Variants in SCN4A observed in about 807,000 individuals in gnomAD.
SCN4A encodes sodium channel protein type 4 subunit alpha.
Under a neutral mutation model 162.0 loss-of-function variants are expected in SCN4A, and 83 were observed. The observed-to-expected ratio is 0.51, with a 90% CI of 0.43 to 0.61. The LOEUF (loss-of-function observed/expected upper bound fraction) is 0.61. Ranked by LOEUF, SCN4A falls within the 20% of genes least tolerant of loss-of-function variation. The probability of loss-of-function intolerance (pLI) is 0.00; values close to 1 mark genes in which losing one functional copy is unlikely to be tolerated. For synonymous variants in SCN4A, 944 were observed against 985.1 expected, an observed-to-expected ratio of 0.96 and a Z score of 0.78; for missense variants, 2,196 against 2,462.5, an observed-to-expected ratio of 0.89 and a Z score of 2.29.
chr17:63,960,575 T>G (rs1365315238), intron 11 of SCN4A, among the ~76,000 whole-genome samples: 1 of 152,158 alleles, frequency 6.6e-6, no homozygotes, highest in Non-Finnish European at 1.5e-5. Flanking sequence ...AGGAGGCGGC[T>G]TTTCCCTTTG....
At chr17:63,965,995 T>C (rs1051638308) in intron 8 of SCN4A, 107 bp downstream of exon 8, 25 of 752,678 alleles carry the variant, frequency 3.3e-5, no homozygotes, top group East Asian at 5.4e-5. Context: ...GATGGCCCAG[T>C]TCGGGGGTTG....
intron 8 of SCN4A, among the ~76,000 whole-genome samples, chr17:63,965,523 C>G (rs1909410998): frequency 6.6e-6 from 1 of 152,180 alleles, no homozygotes; most frequent in African/African-American, 2.4e-5. Context: ...GAGTCTCGCT[C>G]TGTCGCCCAG....
rs1216814077 is a variant in SCN4A, at chr17:63,961,304, C to A, written c.1734G>T (p.Pro578=). The change falls in exon 11 of 24, where the codon CCG becomes CCT. Residue 578 remains proline, a synonymous_variant. Transcript: ENST00000435607. Reference sequence around the variant, plus strand: ...AGATGGTGATGCCCAGGTCCACGAACGGGTCCATGACGATCAGGTGGATGA... The same window carrying A: ...AGATGGTGATGCCCAGGTCCACGAAAGGGTCCATGACGATCAGGTGGATGA... The part of the protein sequence containing the change: ...KNIIHLIVMD[P]FVDLGITICI... 6 of 1,613,566 alleles carry A rather than the reference C, an allele frequency of 3.7e-6. No individual in the cohort carries two copies. The African/African-American group carries it at 4.0e-5, about 11-fold the overall frequency.
At position 63,941,137 on chromosome 17, in the gene SCN4A, G is replaced by A. The variant is rs768902509; in HGVS notation, c.5145C>T (p.Tyr1715=). The A allele has an allele frequency of 5.9e-5, 95 of 1,613,800 alleles. No individual in the cohort carries two copies. Among genetic ancestry groups the A allele is most frequent in the Non-Finnish European group, 7.7e-5 (91 of 1,179,868 alleles). The part of the protein sequence containing the change: ...FMAANPSKVS[Y]EPITTTLKRK... ...TCTTGAGGGTGGTGGTGATGGGCTC[G>A]TAGGACACCTTGGAGGGGTTGGCTG... Residue 1715 remains tyrosine (Y), a synonymous_variant, in exon 24 of 24, where the codon TAC becomes TAT. Coordinates refer to ENST00000435607, the MANE Select transcript of SCN4A (RefSeq NM_000334.4). The surrounding 1 kb of genome is among the most constrained non-coding windows in gnomAD (Gnocchi z 6.2).
In SCN4A at chr17:63,950,108, G is replaced by A. The variant is rs1302774815; in HGVS notation, c.2854-580C>T. 6.6e-6 allele frequency among the ~76,000 whole-genome samples: 1 copy of A among 152,160 alleles called. No homozygotes were observed. Among genetic ancestry groups the A allele is most frequent in the Non-Finnish European group, 1.5e-5 (1 of 68,014 alleles). On this transcript the variant is annotated intron_variant, in intron 14 of 23. Coordinates refer to ENST00000435607, the MANE Select transcript of SCN4A (RefSeq NM_000334.4). The surrounding 1 kb of genome is among the most constrained non-coding windows in gnomAD (Gnocchi z 4.6). ...GGAGGCGGGTGCTCCAGCCGGGCCAGGCTTCCTCCCACCTCCTCCTGCTGG... is the reference window on the plus strand; with the variant it reads ...GGAGGCGGGTGCTCCAGCCGGGCCAAGCTTCCTCCCACCTCCTCCTGCTGG...
chr17:63,961,187 C>CCCCA lies in SCN4A; in HGVS notation c.1845+5_1845+6insTGGG. 5 of 1,393,600 alleles carry CCCCA rather than the reference C, an allele frequency of 3.6e-6. No individual in the cohort carries two copies. The highest frequency in any genetic ancestry group is 4.1e-6 in the Non-Finnish European group (4 of 984,202). The allele number at this position is 1,393,600 out of a possible 1,614,324, so 86.3% of individuals were successfully genotyped here. A position where few individuals can be genotyped will look rare whatever the true frequency, so the allele number is the denominator to read the frequency against. ...ATGAATGATCCCCTCCCCCGCCCCT[C>CCCCA]CCTACCAGGTTGCCCACAGTGAGCA... On this transcript the variant is annotated splice_donor_region_variant and intron_variant, in intron 11 of 23. Transcript: ENST00000435607.
chr17:63,961,623 C>T (rs1316857205), intron 10 of SCN4A, 192 bp from the exon 11 acceptor site: 1 of 580,818 alleles, frequency 1.7e-6, no homozygotes, highest in African/African-American at 1.9e-5. Context: ...GTAACCTCCG[C>T]CCCACATGGC....
At chr17:63,961,881 G>A in intron 10 of SCN4A, among the ~76,000 whole-genome samples, 1 of 106,860 alleles carries the variant, frequency 9.4e-6, no homozygotes, top group South Asian at 3.2e-4. Flanking sequence ...CCCACCCCCG[G>A]CTCCAAGCTC....
At chr17:63,948,926 C>T (rs1908817576) in intron 15 of SCN4A, among the ~76,000 whole-genome samples, 161 bp from the exon 16 acceptor site, 2 of 152,204 alleles carry the variant, frequency 1.3e-5, no homozygotes. Context: ...ATCTGGCTCA[C>T]ATGGGGGACT....
chr17:63,972,374 C>T lies in SCN4A; in HGVS notation c.370G>A (p.Ala124Thr). 1.2e-6 allele frequency: 2 copies of T among 1,613,892 alleles called. No homozygotes were observed. The highest frequency in any genetic ancestry group is 1.7e-4 in the Middle Eastern group (1 of 6,060). ...LSPFSVVRRG[A>T]IKVLIHALFS... is the part of the protein sequence containing the mutation. ...TATGCATGGATGAGCACCTTGATGG[C>T]CCCGCGCCTGACTACGCTGAAGGGG... The change falls in exon 2 of 24, where the codon GCC becomes ACC. Residue 124 changes from alanine to threonine, a missense_variant. Transcript: ENST00000435607. This position sits in a 1 kb window ranked among gnomAD's most constrained non-coding sequence, Gnocchi z 4.3.
intron 13 of SCN4A, among the ~76,000 whole-genome samples, chr17:63,953,909 G>A (rs1018493531): frequency 6.6e-6 from 1 of 152,170 alleles, no homozygotes; most frequent in African/African-American, 2.4e-5. Flanking sequence ...AGCCTACAAG[G>A]TGAATGGCAG....
chr17:63,952,713 T>C (rs565606867), intron 13 of SCN4A, among the ~76,000 whole-genome samples: 1 of 149,728 alleles, frequency 6.7e-6, no homozygotes, highest in African/African-American at 2.6e-5. Flanking sequence ...CTGGTTCTTG[T>C]CCCACATCCC....
At position 63,941,250 on chromosome 17, in the gene SCN4A, C is replaced by A; in HGVS notation, c.5032G>T (p.Asp1678Tyr). ...TCTTTGGTCAGGGCAAAGAGGATGT[C>A]CAGGCAGTGGATCTTGTCCCCTGGC... ...MVPGDKIHCL[D>Y]ILFALTKEVL... is the part of the protein sequence containing the mutation. The change falls in exon 24 of 24, where the codon GAC becomes TAC. Residue 1678 changes from aspartate (D) to tyrosine (Y), a missense_variant. Asp to Tyr is a radical substitution (Grantham distance 160). Transcript: ENST00000435607. The surrounding 1 kb of genome is among the most constrained non-coding windows in gnomAD (Gnocchi z 6.2). 6.2e-7 allele frequency: 1 copy of A among 1,613,850 alleles called. No individual in the cohort carries two copies. Among genetic ancestry groups the A allele is most frequent in the Non-Finnish European group, 8.5e-7 (1 of 1,179,852 alleles).
Position 63,945,798 on chromosome 17 carries a change from G to T in SCN4A, c.3442-160C>A, listed in dbSNP as rs1038950034. Among the ~76,000 whole-genome samples the T allele has an allele frequency of 6.6e-6, 1 of 151,808 alleles. No individual in the cohort carries two copies. The highest frequency in any genetic ancestry group is 2.4e-5 in the African/African-American group (1 of 41,310). ...TGCTGGGCTGTGTGTGTGCAGGTTG[G>T]GGGTGGTAAGGGGGAGGGGGAGGGA... is the stretch of plus-strand genomic sequence containing the variant. On this transcript the variant is annotated intron_variant, in intron 18 of 23. Coordinates refer to ENST00000435607, the MANE Select transcript of SCN4A (RefSeq NM_000334.4). This position sits in a 1 kb window ranked among gnomAD's most constrained non-coding sequence, Gnocchi z 4.4.
intron 14 of SCN4A, chr17:63,949,844 C>T: frequency 4.6e-6 from 1 of 218,364 alleles, no homozygotes; most frequent in Non-Finnish European, 9.0e-6. Flanking sequence ...AGTGGGGGGT[C>T]TGGGAGGCAT....
rs1908870366 is a variant in SCN4A at position 63,950,424 on chromosome 17, C to A, written c.2854-896G>T. Among the ~76,000 whole-genome samples, 1 of 152,138 alleles carries A rather than the reference C, an allele frequency of 6.6e-6. No individual in the cohort carries two copies. Among genetic ancestry groups the A allele is most frequent in the Non-Finnish European group, 1.5e-5 (1 of 68,016 alleles). Reference sequence around the variant, plus strand: ...TGGAGTTGTGCTCGCCCTCCTTGAACAAGTCCCCAGGCCCCGGCCCCGGCC... The same window carrying A: ...TGGAGTTGTGCTCGCCCTCCTTGAAAAAGTCCCCAGGCCCCGGCCCCGGCC... On this transcript the variant is annotated intron_variant, in intron 14 of 23. Coordinates refer to ENST00000435607, the MANE Select transcript of SCN4A (RefSeq NM_000334.4). The surrounding 1 kb of genome is among the most constrained non-coding windows in gnomAD (Gnocchi z 4.6).
intron 12 of SCN4A, 32 bp downstream of exon 12, chr17:63,959,233 T>C: frequency 1.4e-6 from 2 of 1,384,008 alleles, no homozygotes; most frequent in Non-Finnish European, 2.0e-6. Flanking sequence ...CCCACCCCCA[T>C]CCCAGCCCCT....
rs763501094 is a variant in SCN4A at position 63,943,744 on chromosome 17, AC to A, written c.4017+1del. 4 of 1,588,514 alleles carry A rather than the reference AC, an allele frequency of 2.5e-6. No individual in the cohort carries two copies. Among genetic ancestry groups the A allele is most frequent in the Non-Finnish European group, 3.5e-6 (4 of 1,157,040 alleles). On this transcript the variant is annotated splice_donor_variant, in intron 22 of 23. Coordinates refer to ENST00000435607, the MANE Select transcript of SCN4A (RefSeq NM_000334.4). LOFTEE classifies it high-confidence loss of function. ...CAGGACAGGGGGCCCAGAGGTCTGTACCTGGGGCCGGGGAATTGGCTTCTGA... is the reference window on the plus strand; with the variant it reads ...CAGGACAGGGGGCCCAGAGGTCTGTACTGGGGCCGGGGAATTGGCTTCTGA...
intron 10 of SCN4A, among the ~76,000 whole-genome samples, chr17:63,962,713 C>T (rs1909305626): frequency 6.6e-6 from 1 of 152,118 alleles, no homozygotes; most frequent in Admixed American, 6.5e-5. Context: ...GAGTGTCACT[C>T]AAAGCCTCCC....
Sources: allele counts gnomAD v4.1 joint callset (sites outside exome capture counted in the v4.1 genomes callset), GRCh38; gene constraint gnomAD v4.1.1; non-coding constraint Gnocchi (gnomAD v3.1); transcripts MANE v1.5; gene names NCBI Gene and HGNC (gene_info 2026-07-23, HGNC 2026-07-21).